PIK3AP1: variants seen among roughly 807,000 people sequenced by gnomAD.
The protein encoded by PIK3AP1 is phosphoinositide 3-kinase adapter protein 1.
In PIK3AP1, 21 loss-of-function variants were observed where a neutral mutation model predicts 88.1. That is an observed-to-expected ratio of 0.24 (90% CI 0.17 to 0.34). The LOEUF (loss-of-function observed/expected upper bound fraction) is 0.34, where lower values mean the gene tolerates loss of function less well. Ranked by LOEUF, PIK3AP1 falls within the 10% of genes least tolerant of loss-of-function variation. The probability of loss-of-function intolerance (pLI) is 1.00; values close to 1 mark genes in which losing one functional copy is unlikely to be tolerated. For synonymous variants in PIK3AP1, 398 were observed against 400.0 expected (o/e 1.00, Z 0.06); for missense variants, 828 against 1,035.7 (o/e 0.80, Z 2.75).
chr10:96,696,161 C>T (rs1844217093), intron 2 of PIK3AP1, among the ~76,000 whole-genome samples: 1 of 152,162 alleles, frequency 6.6e-6, no homozygotes, highest in South Asian at 2.1e-4. Flanking sequence ...ATCCATCCAA[C>T]CACCATTTAC....
intron 2 of PIK3AP1, 92 bp downstream of exon 2, chr10:96,709,475 A>G (rs1844408895): frequency 8.4e-6 from 12 of 1,429,168 alleles, no homozygotes; most frequent in Non-Finnish European, 1.1e-5. Flanking sequence ...TAACATAGTG[A>G]GATCCCCGCT....
intron 2 of PIK3AP1, among the ~76,000 whole-genome samples, chr10:96,701,575 G>T (rs924727797): frequency 2.0e-5 from 3 of 152,164 alleles, no homozygotes; most frequent in African/African-American, 4.8e-5. Context: ...GGGGAGGAGG[G>T]TACACATTCT....
At chr10:96,680,614 C>G (rs1843986375) in intron 2 of PIK3AP1, among the ~76,000 whole-genome samples, 1 of 152,186 alleles carries the variant, frequency 6.6e-6, no homozygotes, top group Non-Finnish European at 1.5e-5. Context: ...CCAGCTCCAT[C>G]CATGTTCCTG....
intron 6 of PIK3AP1, 64 bp downstream of exon 6, chr10:96,651,184 A>T (rs1843532001): frequency 6.3e-7 from 1 of 1,595,290 alleles, no homozygotes; most frequent in African/African-American, 1.3e-5. Flanking sequence ...TGTTGATGGG[A>T]TGCTGAAACC....
Position 96,651,568 on chromosome 10 carries a change from T to A in PIK3AP1, c.796A>T (p.Met266Leu). 2 of 1,614,192 alleles carry A rather than the reference T, an allele frequency of 1.2e-6. No homozygotes were observed. The highest frequency in any genetic ancestry group is 1.7e-6 in the Non-Finnish European group (2 of 1,180,020). The change falls in exon 5 of 17, where the codon ATG becomes TTG. Residue 266 changes from methionine to leucine, a missense_variant. By Grantham distance (15) the Met-to-Leu change is conservative (BLOSUM62 2). Around this residue, in one of 3 missense-constraint regions of PIK3AP1, gnomAD observed 610 missense variants for 760.1 expected, o/e 0.80. Transcript: ENST00000339364. ...GACAATAAATTCCCAATTTCTTCCA[T>A]GTCAGTATAATAGCTGATAACGGTT... ...CETVISYYTD[M>L]EEIGNLLSNA...
chr10:96,616,747 A>G (rs1436436128), intron 12 of PIK3AP1, 36 bp from the exon 13 acceptor site: 25 of 1,564,814 alleles, frequency 1.6e-5, no homozygotes, highest in Non-Finnish European at 1.9e-5. Flanking sequence ...TAAGTGTACA[A>G]CAGGATGATA....
chr10:96,649,162 T>A (rs1275205078), intron 6 of PIK3AP1, among the ~76,000 whole-genome samples: 2 of 152,200 alleles, frequency 1.3e-5, no homozygotes, highest in Non-Finnish European at 2.9e-5. Flanking sequence ...TTCTCTCGCC[T>A]CAGCCTCTCA....
chr10:96,685,060 G>C (rs1040533148), intron 2 of PIK3AP1, among the ~76,000 whole-genome samples: 3 of 152,188 alleles, frequency 2.0e-5, no homozygotes, highest in Non-Finnish European at 4.4e-5. Flanking sequence ...GCGGAGGAAG[G>C]AAGCAAAGAA....
Position 96,720,356 on chromosome 10 carries a change from G to A in PIK3AP1, c.13+26C>T. ...GTACGAGAGAGGGGCCGGGAGCCCG[G>A]GGACCCGCGGCGCCTGCCTACCCAC... On this transcript the variant is annotated intron_variant, in intron 1 of 16. Transcript: ENST00000339364. The surrounding 1 kb of genome is among the most constrained non-coding windows in gnomAD (Gnocchi z 4.6). 1 of 1,242,558 alleles carries A rather than the reference G, an allele frequency of 8.0e-7. No individual in the cohort carries two copies. Among genetic ancestry groups the A allele is most frequent in the Non-Finnish European group, 1.0e-6 (1 of 987,824 alleles). 77.0% of individuals were successfully genotyped at this position (1,242,558 alleles called of 1,614,324 possible).
chr10:96,617,634 G>A (rs1257984931), intron 12 of PIK3AP1, among the ~76,000 whole-genome samples: 1 of 152,192 alleles, frequency 6.6e-6, no homozygotes, highest in African/African-American at 2.4e-5. Flanking sequence ...AAGCTGACAT[G>A]GGGATGTGGC....
At chr10:96,679,071 AT>A (rs1407979349) in intron 2 of PIK3AP1, among the ~76,000 whole-genome samples, 1 of 152,218 alleles carries the variant, frequency 6.6e-6, no homozygotes, top group African/African-American at 2.4e-5. Flanking sequence ...TTTAGTAAGA[AT>A]TATTTTTGAA....
At chr10:96,629,930 A>AAAGAAG (rs61662185) in intron 8 of PIK3AP1, among the ~76,000 whole-genome samples, 2,181 of 13,576 alleles carry the variant, frequency 0.16, 201 homozygotes, top group East Asian at 0.34. Context: ...AAAAAAAAAA[A>AAAGAAG]AAGAAGAAGA....
chr10:96,650,464 G>C (rs1295091879), intron 6 of PIK3AP1, among the ~76,000 whole-genome samples: 2 of 152,200 alleles, frequency 1.3e-5, no homozygotes, highest in Non-Finnish European at 2.9e-5. Context: ...ACAAGAGGCT[G>C]CTCCTCCCTC....
chr10:96,686,065 T>C (rs1043290205), intron 2 of PIK3AP1, among the ~76,000 whole-genome samples: 4 of 152,186 alleles, frequency 2.6e-5, no homozygotes, highest in African/African-American at 9.7e-5. Context: ...GAGGCAAATA[T>C]GAAACTGCAT....
chr10:96,638,627 C>T (rs1332271858), intron 8 of PIK3AP1, among the ~76,000 whole-genome samples: 1 of 152,208 alleles, frequency 6.6e-6, no homozygotes, highest in African/African-American at 2.4e-5. Context: ...ACAAATGCCT[C>T]AGTACAGTAC....
At chr10:96,626,255 T>C (rs4919043) in intron 10 of PIK3AP1, among the ~76,000 whole-genome samples, 134,737 of 152,216 alleles carry the variant, frequency 0.89, 60,271 homozygotes, top group East Asian at 1. Context: ...ATTTTGGCTT[T>C]GCTATGCAAT....
chr10:96,646,843 T>G (rs1450693347), intron 7 of PIK3AP1, among the ~76,000 whole-genome samples: 1 of 152,200 alleles, frequency 6.6e-6, no homozygotes, highest in Non-Finnish European at 1.5e-5. Context: ...TGCACAACTT[T>G]TCCTGGTAAG....
rs778853386 is a variant in PIK3AP1 at position 96,631,882 on chromosome 10, T to TCA, written c.1376-3391_1376-3390dup. 8.1e-3 allele frequency among the ~76,000 whole-genome samples: 1,230 copies of TCA among 151,802 alleles called. 8 individuals are homozygous for TCA. The highest frequency in any genetic ancestry group is 0.012 in the Non-Finnish European group (825 of 67,916). The stretch of plus-strand genomic sequence containing the variant: ...CTGGGTGACAGAGCAAGACTCTGTC[T>TCA]CAAAAAACAAAACAAAACAAAAATA... On this transcript the variant is annotated intron_variant, in intron 8 of 16. Transcript: ENST00000339364.
At chr10:96,687,265 AAAAAAAAAAAAAAAAAAAAAG>A (rs1480961558) in intron 2 of PIK3AP1, among the ~76,000 whole-genome samples, 1 of 139,686 alleles carries the variant, frequency 7.2e-6, no homozygotes, top group African/African-American at 3.2e-5. Flanking sequence ...CAAAAAAAAA[AAAAAAAAAAAAAAAAAAAAAG>A]AAAAAAGATC....
Sources: gnomAD v4.1 joint callset for allele counts (sites outside exome capture counted in the v4.1 genomes callset) on GRCh38, gnomAD v4.1.1 for gene constraint, gnomAD v4.1.1 regional missense constraint, Gnocchi (gnomAD v3.1) non-coding constraint, MANE v1.5 for transcripts, NCBI Gene and HGNC (gene_info 2026-07-23, HGNC 2026-07-21) for gene names.